The following FILIP1 variants were observed in gnomAD, a reference collection of about 807,000 sequenced individuals.
FILIP1 encodes filamin-A-interacting protein 1.
In FILIP1, 61 loss-of-function variants were observed where a neutral mutation model predicts 102.1. The observed-to-expected ratio is 0.60, with a 90% confidence interval of 0.49 to 0.74. FILIP1 has a LOEUF of 0.74. FILIP1 is among the 30% of genes least tolerant of loss of function. The probability of loss-of-function intolerance (pLI) is 0.00; values close to 1 mark genes in which losing one functional copy is unlikely to be tolerated. For synonymous variants in FILIP1, 491 were observed against 526.9 expected (o/e 0.93, Z 0.93); for missense variants, 1,314 against 1,441.2 (o/e 0.91, Z 1.43).
rs1243670608 is a variant in FILIP1, at chr6:75,313,812, C to T, written c.2020G>A (p.Ala674Thr). ...EQKFRTEQDK[A>T]NFLSQQLEEI... ...TCTAGTTGTTGAGAGAGGAAGTTAG[C>T]CTTATCCTGCTCAGTTCTAAATTTC... is the stretch of plus-strand genomic sequence containing the variant. Residue 674 changes from alanine to threonine, a missense_variant, in exon 5 of 6, where the codon GCT becomes ACT. Transcript: ENST00000237172. The surrounding 1 kb of genome is among the most constrained non-coding windows in gnomAD (Gnocchi z 4.2). 1.2e-6 allele frequency: 2 copies of T among 1,612,794 alleles called. No individual in the cohort carries two copies. The highest frequency in any genetic ancestry group is 3.4e-5 in the Admixed American group (2 of 59,680).
Position 75,311,723 on chromosome 6 carries a change from C to G in FILIP1, c.3435+674G>C, listed in dbSNP as rs947645751. On this transcript the variant is annotated intron_variant, in intron 5 of 5. Transcript: ENST00000237172. ...TATTGGCCAGGCTGGTCTTGAACTC[C>G]TGACCTCAGGTAATCCACCTGCCTC... Among the ~76,000 whole-genome samples, 7 of 152,320 alleles carry G rather than the reference C, an allele frequency of 4.6e-5. 2 individuals carry two copies. In the South Asian group the frequency reaches 1.5e-3, roughly 32 times the overall value.
At chr6:75,346,660 C>T (rs112947894) in intron 4 of FILIP1, among the ~76,000 whole-genome samples, 1,690 of 152,248 alleles carry the variant, frequency 0.011, 37 homozygotes, top group African/African-American at 0.039. Context: ...TTTTAAGTTA[C>T]TTTGCTTGGT....
At chr6:75,402,926 G>A (rs998013292) in intron 2 of FILIP1, among the ~76,000 whole-genome samples, 3 of 152,024 alleles carry the variant, frequency 2.0e-5, no homozygotes, top group African/African-American at 7.3e-5. Context: ...AAATATTAGA[G>A]CATTTCAAGA....
chr6:75,354,333 G>C (rs1774912404), intron 3 of FILIP1, among the ~76,000 whole-genome samples: 1 of 152,216 alleles, frequency 6.6e-6, no homozygotes, highest in Admixed American at 6.5e-5. Context: ...AGCACGTGGG[G>C]AGGCTGAGGC....
At chr6:75,329,296 C>T (rs903548152) in intron 4 of FILIP1, among the ~76,000 whole-genome samples, 3 of 152,176 alleles carry the variant, frequency 2.0e-5, no homozygotes, top group South Asian at 4.1e-4. Flanking sequence ...GCTCCTTTTG[C>T]CCAACATTCT....
intron 1 of FILIP1, among the ~76,000 whole-genome samples, chr6:75,431,014 T>A (rs1777804301): frequency 6.6e-6 from 1 of 152,152 alleles, no homozygotes; most frequent in South Asian, 2.1e-4. Context: ...ACAGATTAAC[T>A]CAGGAAAGTT....
At chr6:75,337,944 T>C (rs1280792161) in intron 4 of FILIP1, among the ~76,000 whole-genome samples, 1 of 152,184 alleles carries the variant, frequency 6.6e-6, no homozygotes, top group Non-Finnish European at 1.5e-5. Context: ...GTGTGTTATT[T>C]AGTCACATTG....
chr6:75,476,310 T>C (rs1469822955), intron 1 of FILIP1, among the ~76,000 whole-genome samples: 2 of 152,000 alleles, frequency 1.3e-5, no homozygotes, highest in Non-Finnish European at 2.9e-5. Context: ...TTGGGTCTTA[T>C]TGGTATCATG....
At chr6:75,368,194 C>T (rs1487819216) in intron 2 of FILIP1, among the ~76,000 whole-genome samples, 1 of 152,164 alleles carries the variant, frequency 6.6e-6, no homozygotes, top group African/African-American at 2.4e-5. Flanking sequence ...ACAACTGAAA[C>T]TGCACCAGGT....
intron 1 of FILIP1, among the ~76,000 whole-genome samples, chr6:75,433,394 C>T (rs1582498439): frequency 6.6e-6 from 1 of 152,130 alleles, no homozygotes; most frequent in African/African-American, 2.4e-5. Context: ...TGGTATCTCA[C>T]TGTGGTTTTG....
At position 75,314,205 on chromosome 6, in the gene FILIP1, C is replaced by T; in HGVS notation, c.1627G>A (p.Val543Ile). The T allele has an allele frequency of 6.4e-7, 1 of 1,559,852 alleles. No homozygotes were observed. The highest frequency in any genetic ancestry group is 8.6e-7 in the Non-Finnish European group (1 of 1,163,894). The change falls in exon 5 of 6, where the codon GTA becomes ATA. Residue 543 changes from valine to isoleucine, a missense_variant. Transcript: ENST00000237172. ...FKVEQGKVMDVTEKLIEESKK... is the reference protein window; with the variant it reads ...FKVEQGKVMDITEKLIEESKK... ...CTTTCTTCAATTAGTTTTTCAGTTA[C>T]ATCCATAACTTTTCCTTGTTCCACC...
chr6:75,361,062 C>G (rs919643993), intron 3 of FILIP1: 1 of 151,928 alleles, frequency 6.6e-6, no homozygotes, highest in Non-Finnish European at 1.5e-5. Flanking sequence ...ATTTTCTGCC[C>G]TCTCTCTCTG....
intron 1 of FILIP1, among the ~76,000 whole-genome samples, chr6:75,445,381 A>G (rs1317336906): frequency 6.6e-6 from 1 of 151,856 alleles, no homozygotes; most frequent in African/African-American, 2.4e-5. Context: ...TCTCTTCCCT[A>G]AACACACCAC....
downstream of FILIP1, among the ~76,000 whole-genome samples, chr6:75,304,886 T>C (rs565902744): frequency 1.5e-4 from 23 of 152,300 alleles, 1 homozygote; most frequent in Non-Finnish European, 3.2e-4. Context: ...TGTATATGAA[T>C]TTCTTTATTA....
intron 1 of FILIP1, among the ~76,000 whole-genome samples, chr6:75,425,737 G>A (rs926044815): frequency 6.6e-6 from 1 of 152,102 alleles, no homozygotes; most frequent in African/African-American, 2.4e-5. Flanking sequence ...GGACAATAAA[G>A]TATTAGATGT....
intron 1 of FILIP1, among the ~76,000 whole-genome samples, chr6:75,472,828 C>G (rs1779369878): frequency 1.3e-5 from 2 of 152,182 alleles, no homozygotes; most frequent in Non-Finnish European, 2.9e-5. Flanking sequence ...CAAATTATCT[C>G]CACAACACAT....
intron 1 of FILIP1, among the ~76,000 whole-genome samples, chr6:75,464,199 T>A (rs904447941): frequency 1.3e-5 from 2 of 152,210 alleles, no homozygotes; most frequent in Non-Finnish European, 2.9e-5. Flanking sequence ...AGTACTTACA[T>A]TTTATTATTT....
chr6:75,469,083 C>T (rs1779257941), intron 1 of FILIP1, among the ~76,000 whole-genome samples: 1 of 151,580 alleles, frequency 6.6e-6, no homozygotes, highest in South Asian at 2.1e-4. Flanking sequence ...TAATGGTGAA[C>T]AAAAAATCCA....
chr6:75,399,551 A>T (rs1232061152), intron 2 of FILIP1, among the ~76,000 whole-genome samples: 1 of 152,338 alleles, frequency 6.6e-6, no homozygotes, highest in East Asian at 1.9e-4. Context: ...TAAAAACAAA[A>T]TATGAAAACA....
Sources: allele counts gnomAD v4.1 joint callset (sites outside exome capture counted in the v4.1 genomes callset), GRCh38; gene constraint gnomAD v4.1.1; non-coding constraint Gnocchi (gnomAD v3.1); transcripts MANE v1.5; gene names NCBI Gene and HGNC (gene_info 2026-07-23, HGNC 2026-07-21).